The following OLFM2 variants were observed in gnomAD, a reference collection of about 807,000 sequenced individuals.
OLFM2 encodes olfactomedin 2, also known as noelin-2.
OLFM2 carries 20 observed loss-of-function variants against 43.9 expected under a neutral mutation model. The observed-to-expected ratio is 0.46, with a 90% CI of 0.32 to 0.66. OLFM2 has a LOEUF of 0.66. Among genes scored for constraint, OLFM2 ranks in the 30% least tolerant of loss-of-function variants. The pLI is 0.04. For missense variants in OLFM2, 416 were observed against 643.6 expected, an observed-to-expected ratio of 0.65 and a Z score of 3.83; for synonymous variants, 268 against 278.6, an observed-to-expected ratio of 0.96 and a Z score of 0.38.
At chr19:9,915,675 G>A (rs558091848) in intron 1 of OLFM2, among the ~76,000 whole-genome samples, 11 of 151,816 alleles carry the variant, frequency 7.2e-5, no homozygotes, top group Non-Finnish European at 1.5e-4. Context: ...CCACCACCAC[G>A]CCCGGCTAAT....
chr19:9,885,253 G>A (rs1423020573), intron 1 of OLFM2, among the ~76,000 whole-genome samples: 1 of 152,190 alleles, frequency 6.6e-6, no homozygotes, highest in East Asian at 1.9e-4. Flanking sequence ...CCCAGACTGG[G>A]AGGCAGAGGG....
intron 1 of OLFM2, among the ~76,000 whole-genome samples, chr19:9,862,921 C>T (rs1376337230): frequency 5.1e-5 from 2 of 38,884 alleles, no homozygotes; most frequent in East Asian, 4.2e-4. Context: ...GGCAGCGAGC[C>T]GAGGTTGCAG....
At chr19:9,928,674 G>A (rs1416401840) in intron 1 of OLFM2, among the ~76,000 whole-genome samples, 4 of 151,804 alleles carry the variant, frequency 2.6e-5, no homozygotes, top group Non-Finnish European at 5.9e-5. Context: ...GCATGGTGGT[G>A]CACGCCTGTA....
chr19:9,906,309 G>A (rs1361292118), intron 1 of OLFM2, among the ~76,000 whole-genome samples: 1 of 152,162 alleles, frequency 6.6e-6, no homozygotes, highest in East Asian at 1.9e-4. Context: ...CAGGGTGGGG[G>A]AGAGGGCAGG....
intron 1 of OLFM2, among the ~76,000 whole-genome samples, chr19:9,910,496 G>A (rs1466589707): frequency 2.0e-5 from 3 of 152,144 alleles, no homozygotes; most frequent in Admixed American, 1.3e-4. Flanking sequence ...CGAGGAGGGA[G>A]GATCCCTTGA....
intron 1 of OLFM2, among the ~76,000 whole-genome samples, chr19:9,910,539 G>A (rs2144989990): frequency 6.6e-6 from 1 of 152,170 alleles, no homozygotes; most frequent in African/African-American, 2.4e-5. Context: ...TGGGCAACAT[G>A]GTGAGACTCC....
chr19:9,863,369 G>A (rs1159548781), intron 1 of OLFM2, among the ~76,000 whole-genome samples: 1 of 152,018 alleles, frequency 6.6e-6, no homozygotes, highest in Admixed American at 6.6e-5. Context: ...GAGGCGAGAC[G>A]TGACCTTACT....
At chr19:9,874,350 G>A (rs2046468490) in intron 1 of OLFM2, among the ~76,000 whole-genome samples, 2 of 90,334 alleles carry the variant, frequency 2.2e-5, no homozygotes, top group African/African-American at 4.0e-5. Context: ...TTTTTTAAGA[G>A]AGATGGGGGT....
chr19:9,917,518 C>G (rs2086392045), intron 1 of OLFM2, among the ~76,000 whole-genome samples: 1 of 152,148 alleles, frequency 6.6e-6, no homozygotes, highest in African/African-American at 2.4e-5. Context: ...CAGGGTGTTT[C>G]TCTCCTGTGT....
chr19:9,907,314 GC>G (rs1267217497), intron 1 of OLFM2, among the ~76,000 whole-genome samples: 1 of 152,016 alleles, frequency 6.6e-6, no homozygotes, highest in Non-Finnish European at 1.5e-5. Flanking sequence ...AATTAGCTAG[GC>G]AGGGTGGCGC....
chr19:9,931,492 G>A (rs1003569901), intron 1 of OLFM2, among the ~76,000 whole-genome samples: 1 of 152,064 alleles, frequency 6.6e-6, no homozygotes, highest in African/African-American at 2.4e-5. Context: ...CAAGATGTCA[G>A]GAGTTCGAGA....
At chr19:9,916,742 C>G (rs936045740) in intron 1 of OLFM2, among the ~76,000 whole-genome samples, 10 of 152,172 alleles carry the variant, frequency 6.6e-5, no homozygotes. Flanking sequence ...CGAGTTTGCA[C>G]TTGCTTGCAT....
intron 1 of OLFM2, among the ~76,000 whole-genome samples, chr19:9,919,176 C>CTCTTTTTT (rs1555728853): frequency 6.7e-6 from 1 of 149,180 alleles, no homozygotes; most frequent in African/African-American, 2.5e-5. Flanking sequence ...ATTTCTCTCT[C>CTCTTTTTT]TTTTTTTTGA....
intron 2 of OLFM2, chr19:9,858,153 C>G (rs1337103489): frequency 1.2e-5 from 6 of 499,164 alleles, no homozygotes; most frequent in African/African-American, 1.9e-5. Flanking sequence ...CTCTACACAG[C>G]AGACAGAAGG....
intron 1 of OLFM2, among the ~76,000 whole-genome samples, chr19:9,873,997 C>T (rs936950188): frequency 1.3e-5 from 2 of 151,888 alleles, no homozygotes; most frequent in African/African-American, 4.8e-5. Context: ...AGAAAAGTTA[C>T]AACAATAATA....
chr19:9,874,639 C>A (rs908379744), intron 1 of OLFM2, among the ~76,000 whole-genome samples: 1 of 152,074 alleles, frequency 6.6e-6, no homozygotes. Context: ...CACCACCATG[C>A]CTGGCTAACT....
At chr19:9,888,421 G>A (rs1435968621) in intron 1 of OLFM2, among the ~76,000 whole-genome samples, 1 of 131,884 alleles carries the variant, frequency 7.6e-6, no homozygotes, top group African/African-American at 2.8e-5. Context: ...CTACTCGGGA[G>A]GCTGAGGCAG....
At chr19:9,868,409 GT>G (rs1169796871) in intron 1 of OLFM2, among the ~76,000 whole-genome samples, 1 of 151,990 alleles carries the variant, frequency 6.6e-6, no homozygotes, top group Non-Finnish European at 1.5e-5. Flanking sequence ...GACTAGCTAT[GT>G]TGCCCAGCCT....
chr19:9,911,294 G>A (rs1237570607), intron 1 of OLFM2, among the ~76,000 whole-genome samples: 5 of 152,068 alleles, frequency 3.3e-5, no homozygotes, highest in Non-Finnish European at 4.4e-5. Context: ...TCCCCTCCCA[G>A]CCCTCACCCT....
Sources: allele counts gnomAD v4.1 joint callset (sites outside exome capture counted in the v4.1 genomes callset), GRCh38; gene constraint gnomAD v4.1.1; transcripts MANE v1.5; gene names NCBI Gene and HGNC (gene_info 2026-07-23, HGNC 2026-07-21).